WDR37: variants seen among roughly 807,000 people sequenced by gnomAD.
WDR37 encodes the protein WD repeat-containing protein 37.
Under a neutral mutation model 62.9 loss-of-function variants are expected in WDR37, and 19 were observed. The observed-to-expected ratio is 0.30, with a 90% CI of 0.21 to 0.44. WDR37 has a LOEUF of 0.44. Ranked by LOEUF, WDR37 falls within the 20% of genes least tolerant of loss-of-function variation. The pLI is 1.00. For synonymous variants in WDR37, 250 were observed against 260.9 expected (o/e 0.96, Z 0.40); for missense variants, 474 against 657.6 (o/e 0.72, Z 3.05).
chr10:1,131,695 T>C lies in WDR37; in HGVS notation c.*2351T>C, dbSNP rs11250282. The C allele has an allele frequency of 3.9e-4, 44 of 112,740 alleles. No homozygotes were observed. In the Middle Eastern group the frequency reaches 0.024, roughly 62 times the overall value. The allele number at this position is 112,740 out of a possible 1,614,324, so 7.0% of individuals were successfully genotyped here. ...CAAGATCGGGGATGGTGTGTGTGTGTGTGTGTGTGTGTGTGTGCACGTGTG... is the reference window on the plus strand; with the variant it reads ...CAAGATCGGGGATGGTGTGTGTGTGCGTGTGTGTGTGTGTGTGCACGTGTG... On this transcript the variant is annotated 3_prime_UTR_variant, in exon 14 of 14. Coordinates refer to ENST00000263150, the MANE Select transcript of WDR37 (RefSeq NM_014023.4).
intron 4 of WDR37, 56 bp from the exon 5 acceptor site, chr10:1,080,355 AG>A: frequency 6.9e-6 from 11 of 1,604,234 alleles, no homozygotes; most frequent in Non-Finnish European, 9.4e-6. Flanking sequence ...CCCATTTGTG[AG>A]GCTATAGGTC....
At chr10:1,093,832 T>A (rs1366288821) in intron 8 of WDR37, among the ~76,000 whole-genome samples, 2 of 152,210 alleles carry the variant, frequency 1.3e-5, no homozygotes, top group Admixed American at 1.3e-4. Context: ...TTCTGTTCCC[T>A]TAGATTGTAG....
In WDR37 at chr10:1,117,613, A is replaced by T. The variant is rs1378456380; in HGVS notation, c.1104-6605A>T. ...ATCAGGCTATTGACACATACTCAAA[A>T]CTTCCTAACTGTGAGGTACTTCAGG... On this transcript the variant is annotated intron_variant, in intron 11 of 13. Transcript: ENST00000263150. 2.0e-5 allele frequency among the ~76,000 whole-genome samples: 3 copies of T among 152,226 alleles called. No homozygotes were observed. In the East Asian group the frequency reaches 5.8e-4, roughly 29 times the overall value.
chr10:1,114,085 T>C (rs1835308808), intron 11 of WDR37, among the ~76,000 whole-genome samples: 2 of 149,150 alleles, frequency 1.3e-5, no homozygotes, highest in African/African-American at 4.9e-5. Flanking sequence ...GCCTCCCGAG[T>C]AGCTGGGATT....
At chr10:1,078,267 C>T (rs1025747478) in intron 3 of WDR37, among the ~76,000 whole-genome samples, 5 of 152,168 alleles carry the variant, frequency 3.3e-5, no homozygotes, top group African/African-American at 1.2e-4. Context: ...ACACCAAGTA[C>T]ACCATAAATT....
intron 13 of WDR37, among the ~76,000 whole-genome samples, chr10:1,128,762 T>C (rs984641299): frequency 1.3e-5 from 2 of 152,220 alleles, no homozygotes; most frequent in African/African-American, 4.8e-5. Context: ...TGTCTCGGCA[T>C]CACTCATTCT....
intron 1 of WDR37, among the ~76,000 whole-genome samples, chr10:1,058,785 C>G (rs990299093): frequency 2.6e-5 from 4 of 152,110 alleles, no homozygotes; most frequent in African/African-American, 9.7e-5. Flanking sequence ...GTGTCTCAGC[C>G]CACTAGGAAT....
chr10:1,084,176 A>G (rs1834119091), intron 5 of WDR37, among the ~76,000 whole-genome samples: 1 of 152,148 alleles, frequency 6.6e-6, no homozygotes, highest in Admixed American at 6.5e-5. Context: ...GGGAGCCTGC[A>G]CAGGTCGCCG....
intron 1 of WDR37, among the ~76,000 whole-genome samples, chr10:1,065,973 A>G (rs1004880664): frequency 6.6e-5 from 10 of 152,322 alleles, no homozygotes; most frequent in African/African-American, 2.4e-4. Flanking sequence ...TAGGTTCAGC[A>G]AGAATGTACA....
intron 1 of WDR37, among the ~76,000 whole-genome samples, chr10:1,065,411 A>G (rs1012623464): frequency 2.0e-5 from 3 of 152,202 alleles, no homozygotes; most frequent in African/African-American, 7.2e-5. Context: ...AAACTCAGAA[A>G]TACTGTAGGT....
chr10:1,094,420 C>G (rs1483099185), intron 8 of WDR37, among the ~76,000 whole-genome samples: 3 of 152,132 alleles, frequency 2.0e-5, no homozygotes, highest in Non-Finnish European at 1.5e-5. Context: ...ACAGGTACTT[C>G]CAGTGTGTGG....
intron 7 of WDR37, among the ~76,000 whole-genome samples, chr10:1,091,962 C>A (rs1014058645): frequency 6.8e-6 from 1 of 146,662 alleles, no homozygotes; most frequent in Non-Finnish European, 1.5e-5. Flanking sequence ...GGGCGGATCA[C>A]GAGGTCAGGA....
intron 11 of WDR37, among the ~76,000 whole-genome samples, chr10:1,113,290 G>T (rs895083049): frequency 1.3e-5 from 2 of 152,170 alleles, no homozygotes; most frequent in African/African-American, 4.8e-5. Flanking sequence ...TGAGGCTACT[G>T]CTCAGGAAAA....
At chr10:1,116,360 C>G (rs1176158408) in intron 11 of WDR37, among the ~76,000 whole-genome samples, 3 of 152,056 alleles carry the variant, frequency 2.0e-5, no homozygotes, top group Non-Finnish European at 4.4e-5. Flanking sequence ...GTCCTCCCGT[C>G]ACCCACCTCA....
At chr10:1,061,023 C>T (rs1204125096) in intron 1 of WDR37, among the ~76,000 whole-genome samples, 1 of 152,202 alleles carries the variant, frequency 6.6e-6, no homozygotes, top group Non-Finnish European at 1.5e-5. Flanking sequence ...AACGATGCAT[C>T]TCTCAGAACC....
chr10:1,084,635 A>G lies in WDR37; in HGVS notation c.532+97A>G. On this transcript the variant is annotated intron_variant, in intron 6 of 13. Coordinates refer to ENST00000263150, the MANE Select transcript of WDR37 (RefSeq NM_014023.4). ...CTTTTCTGTGGCAGAGGAACCCTAG[A>G]TGCAAAAGCGTCATGGAGGAGTCAG... The G allele has an allele frequency of 1.9e-6, 3 of 1,539,936 alleles. No individual in the cohort carries two copies. In the South Asian group the frequency reaches 3.6e-5, roughly 18 times the overall value.
At chr10:1,086,450 G>T in intron 7 of WDR37, 93 bp downstream of exon 7, 1 of 980,786 alleles carries the variant, frequency 1.0e-6, no homozygotes, top group Non-Finnish European at 1.6e-6. Context: ...CTGCTACTGT[G>T]TAGGAAGCCT....
At position 1,070,722 on chromosome 10, in the gene WDR37, T is replaced by C. The variant is rs1833702164; in HGVS notation, c.-40-1394T>C. On this transcript the variant is annotated intron_variant, in intron 1 of 13. Coordinates refer to ENST00000263150, the MANE Select transcript of WDR37 (RefSeq NM_014023.4). The stretch of plus-strand genomic sequence containing the variant: ...CCTTTATGGAAGACACTCTAAATTT[T>C]TTGTGAATACATTTCATCTCTGTTA... Among the ~76,000 whole-genome samples, 3 of 152,358 alleles carry C rather than the reference T, an allele frequency of 2.0e-5. No homozygotes were observed. The South Asian group carries it at 6.2e-4, about 32-fold the overall frequency.
At chr10:1,085,757 A>T (rs1834180087) in intron 6 of WDR37, among the ~76,000 whole-genome samples, 1 of 152,206 alleles carries the variant, frequency 6.6e-6, no homozygotes, top group African/African-American at 2.4e-5. Flanking sequence ...AAAAAGAATA[A>T]AAAGGTCCTT....
Sources: gnomAD v4.1 joint callset for allele counts (sites outside exome capture counted in the v4.1 genomes callset) on GRCh38, gnomAD v4.1.1 for gene constraint, MANE v1.5 for transcripts, NCBI Gene and HGNC (gene_info 2026-07-23, HGNC 2026-07-21) for gene names.